Variants in PPM1H observed in about 807,000 individuals in gnomAD.
PPM1H encodes the protein protein phosphatase 1H.
PPM1H carries 27 observed loss-of-function variants against 54.9 expected under a neutral mutation model. That is an observed-to-expected ratio of 0.49 (90% CI 0.36 to 0.68). The LOEUF (loss-of-function observed/expected upper bound fraction) is 0.68, where lower values mean the gene tolerates loss of function less well. Among genes scored for constraint, PPM1H ranks in the 30% least tolerant of loss-of-function variants. The pLI is 0.00. For missense variants in PPM1H, 596 were observed against 667.8 expected, an observed-to-expected ratio of 0.89 and a Z score of 1.19; for synonymous variants, 305 against 270.8, an observed-to-expected ratio of 1.13 and a Z score of -1.24.
intron 8 of PPM1H, among the ~76,000 whole-genome samples, chr12:62,669,993 T>TTTC (rs2075946789): frequency 6.8e-6 from 1 of 146,560 alleles, no homozygotes; most frequent in Admixed American, 6.8e-5. Context: ...TTTTTTTTTT[T>TTTC]TGAGACGGAG....
intron 1 of PPM1H, among the ~76,000 whole-genome samples, chr12:62,876,499 A>T (rs531730666): frequency 3.7e-4 from 56 of 152,350 alleles, no homozygotes; most frequent in African/African-American, 1.3e-3. Flanking sequence ...GAAGGCAAGT[A>T]ATCAAGATGG....
At chr12:62,877,604 A>T (rs1257218231) in intron 1 of PPM1H, among the ~76,000 whole-genome samples, 1 of 152,164 alleles carries the variant, frequency 6.6e-6, no homozygotes. Flanking sequence ...CATTTTTGAG[A>T]TGAAGCAAAC....
intron 3 of PPM1H, among the ~76,000 whole-genome samples, chr12:62,798,512 C>T (rs900539210): frequency 7.2e-5 from 11 of 152,114 alleles, no homozygotes; most frequent in East Asian, 1.9e-4. Flanking sequence ...TGCAAAGCCC[C>T]GGTAAGCTGT....
At chr12:62,778,945 AG>A (rs2076626217) in intron 4 of PPM1H, among the ~76,000 whole-genome samples, 1 of 152,116 alleles carries the variant, frequency 6.6e-6, no homozygotes, top group South Asian at 2.1e-4. Context: ...GAAAGGAAAA[AG>A]GAAAGAAAAG....
intron 4 of PPM1H, among the ~76,000 whole-genome samples, chr12:62,781,954 G>C (rs2076645267): frequency 6.6e-6 from 1 of 152,092 alleles, no homozygotes; most frequent in South Asian, 2.1e-4. Flanking sequence ...ATGGGGAGGG[G>C]GCTCTGCAGA....
intron 2 of PPM1H, among the ~76,000 whole-genome samples, chr12:62,825,422 A>G (rs1868279504): frequency 6.6e-6 from 1 of 152,242 alleles, no homozygotes; most frequent in Admixed American, 6.5e-5. Flanking sequence ...TACCGTAAAG[A>G]CACATGCACA....
chr12:62,900,619 GACT>G (rs1280592915), intron 1 of PPM1H, among the ~76,000 whole-genome samples: 1 of 150,952 alleles, frequency 6.6e-6, no homozygotes, highest in Non-Finnish European at 1.5e-5. Context: ...AAAAGGAAAG[GACT>G]ACGTGGAAAC....
chr12:62,687,339 C>T (rs2076058849), intron 8 of PPM1H, among the ~76,000 whole-genome samples: 2 of 152,200 alleles, frequency 1.3e-5, no homozygotes, highest in African/African-American at 2.4e-5. Context: ...ACAATCATGG[C>T]TCACTGCAAC....
intron 4 of PPM1H, among the ~76,000 whole-genome samples, chr12:62,751,080 C>T (rs928735919): frequency 6.6e-6 from 1 of 152,198 alleles, no homozygotes; most frequent in South Asian, 2.1e-4. Flanking sequence ...ATTTTTCTCT[C>T]TACTGCAGTC....
At chr12:62,863,404 A>G (rs1869672730) in intron 1 of PPM1H, among the ~76,000 whole-genome samples, 1 of 152,254 alleles carries the variant, frequency 6.6e-6, no homozygotes, top group Non-Finnish European at 1.5e-5. Flanking sequence ...TATAGGCCAC[A>G]TATTCCTATT....
chr12:62,886,827 G>A (rs1332787077), intron 1 of PPM1H, among the ~76,000 whole-genome samples: 1 of 152,162 alleles, frequency 6.6e-6, no homozygotes, highest in Non-Finnish European at 1.5e-5. Context: ...GCCTGGTAAG[G>A]GCCAGAACTG....
intron 1 of PPM1H, among the ~76,000 whole-genome samples, chr12:62,857,483 C>T (rs1869433388): frequency 1.3e-5 from 2 of 152,286 alleles, no homozygotes; most frequent in African/African-American, 4.8e-5. Flanking sequence ...TATTTATTCA[C>T]ATAATAGGTA....
intron 1 of PPM1H, among the ~76,000 whole-genome samples, chr12:62,910,032 G>C (rs1286294368): frequency 6.6e-6 from 1 of 152,192 alleles, no homozygotes; most frequent in Non-Finnish European, 1.5e-5. Context: ...TCGAGGAAGG[G>C]CTATTGAAGT....
In PPM1H at chr12:62,709,480, G is replaced by A. The variant is rs1272780079; in HGVS notation, c.1073+10691C>T. Among the ~76,000 whole-genome samples the A allele has an allele frequency of 3.9e-5, 6 of 152,140 alleles. No individual in the cohort carries two copies. In the East Asian group the frequency reaches 1.2e-3, roughly 29 times the overall value. Reference sequence around the variant, plus strand: ...CACATTTTCACTCCTCTGGGCTTCTGCTGGCACAGTGCCCTTTGCTCCGAA... The same window carrying A: ...CACATTTTCACTCCTCTGGGCTTCTACTGGCACAGTGCCCTTTGCTCCGAA... On this transcript the variant is annotated intron_variant, in intron 6 of 9. Coordinates refer to ENST00000228705, the MANE Select transcript of PPM1H (RefSeq NM_020700.2).
intron 1 of PPM1H, among the ~76,000 whole-genome samples, chr12:62,898,559 C>T (rs1259786508): frequency 6.6e-6 from 1 of 152,206 alleles, no homozygotes; most frequent in Non-Finnish European, 1.5e-5. Flanking sequence ...AATCACAACA[C>T]ACTTCTTAAT....
intron 8 of PPM1H, among the ~76,000 whole-genome samples, chr12:62,670,445 G>C (rs2075950718): frequency 6.6e-6 from 1 of 152,166 alleles, no homozygotes; most frequent in Non-Finnish European, 1.5e-5. Context: ...TTCTAAAAGA[G>C]AGGGTTCAGG....
intron 5 of PPM1H, among the ~76,000 whole-genome samples, chr12:62,725,694 G>C (rs139884544): frequency 0.011 from 1,742 of 152,012 alleles, 13 homozygotes; most frequent in Non-Finnish European, 0.018. Flanking sequence ...TTTTCTTATG[G>C]GGGACCTTGT....
rs144609324 is a variant in PPM1H, at chr12:62,714,444, G to A, written c.1073+5727C>T. 2.6e-5 allele frequency among the ~76,000 whole-genome samples: 4 copies of A among 152,298 alleles called. No homozygotes were observed. In the East Asian group the frequency reaches 7.7e-4, roughly 29 times the overall value. On this transcript the variant is annotated intron_variant, in intron 6 of 9. Transcript: ENST00000228705. ...GAAAATTATCGTGATGTATCATCAA[G>A]TTAGAATTATAAAAAGTTAGGGGCT...
Position 62,716,871 on chromosome 12 carries a change from C to T in PPM1H, c.1073+3300G>A, listed in dbSNP as rs139764349. 9.2e-5 allele frequency among the ~76,000 whole-genome samples: 14 copies of T among 152,288 alleles called. No individual in the cohort carries two copies. In the South Asian group the frequency reaches 1.7e-3, roughly 18 times the overall value. ...TAAAAAATAACTGCTAGATCTAAGG[C>T]TTTCTGCTAGAGGGTAAAAACATTT... is the stretch of plus-strand genomic sequence containing the variant. On this transcript the variant is annotated intron_variant, in intron 6 of 9. Transcript: ENST00000228705.
Sources: allele counts gnomAD v4.1 joint callset (sites outside exome capture counted in the v4.1 genomes callset), GRCh38; gene constraint gnomAD v4.1.1; transcripts MANE v1.5; gene names NCBI Gene and HGNC (gene_info 2026-07-23, HGNC 2026-07-21).